PCSK5: variants seen among roughly 807,000 people sequenced by gnomAD.
The protein encoded by PCSK5 is proprotein convertase subtilisin/kexin type 5.
In PCSK5, 129 loss-of-function variants were observed where a neutral mutation model predicts 233.2. That is an observed-to-expected ratio of 0.55 (90% CI 0.48 to 0.64). PCSK5 has a LOEUF of 0.64. Among genes scored for constraint, PCSK5 ranks in the 30% least tolerant of loss-of-function variants. The probability of loss-of-function intolerance (pLI) is 0.00; values close to 1 mark genes in which losing one functional copy is unlikely to be tolerated. For missense variants in PCSK5, 2,076 were observed against 2,430.1 expected, an observed-to-expected ratio of 0.85 and a Z score of 3.06; for synonymous variants, 825 against 879.2, an observed-to-expected ratio of 0.94 and a Z score of 1.09.
chr9:75,922,948 C>T (rs561139702), intron 1 of PCSK5, among the ~76,000 whole-genome samples: 23 of 152,284 alleles, frequency 1.5e-4, no homozygotes, highest in African/African-American at 1.9e-4. Flanking sequence ...ACTACGAGGA[C>T]TTAAATTCTT....
chr9:76,189,515 T>G, intron 19 of PCSK5, 116 bp from the exon 20 acceptor site: 1 of 713,756 alleles, frequency 1.4e-6, no homozygotes, highest in South Asian at 1.8e-5. Flanking sequence ...TGAGGAAAGA[T>G]TTTTGAGTAA....
intron 1 of PCSK5, among the ~76,000 whole-genome samples, chr9:75,909,777 C>T (rs1023287339): frequency 2.6e-5 from 4 of 152,152 alleles, no homozygotes; most frequent in Admixed American, 1.3e-4. Context: ...AAATAAAGCC[C>T]GCAGCAGTTG....
At chr9:76,341,212 G>A (rs2131501315) in intron 35 of PCSK5, among the ~76,000 whole-genome samples, 2 of 148,890 alleles carry the variant, frequency 1.3e-5, no homozygotes, top group South Asian at 4.4e-4. Context: ...GTGACAGAGT[G>A]AGACCATGCC....
In PCSK5 at chr9:76,188,465, A is replaced by C. The variant is rs1234832417; in HGVS notation, c.2283-113A>C. The C allele has an allele frequency of 1.0e-5, 7 of 677,766 alleles. No individual in the cohort carries two copies. In the African/African-American group the frequency reaches 1.3e-4, roughly 12 times the overall value. 42.0% of individuals were successfully genotyped at this position (677,766 alleles called of 1,614,324 possible). ...TTTCCCCGGCTTTGAAGCTTTGCCA[A>C]ATCCACTGGCCTCTGAGGGAAACTG... On this transcript the variant is annotated intron_variant, in intron 17 of 37. Coordinates refer to ENST00000674117, the MANE Select transcript of PCSK5 (RefSeq NM_001372043.1).
chr9:76,183,839 G>T (rs1328427002), intron 16 of PCSK5, among the ~76,000 whole-genome samples: 1 of 152,142 alleles, frequency 6.6e-6, no homozygotes, highest in Non-Finnish European at 1.5e-5. Context: ...AATTCACATG[G>T]ATATAATCCA....
intron 20 of PCSK5, among the ~76,000 whole-genome samples, chr9:76,203,102 C>T (rs925231342): frequency 6.6e-6 from 1 of 152,098 alleles, no homozygotes; most frequent in Admixed American, 6.6e-5. Flanking sequence ...CCTCAGTTTC[C>T]CCTTCTTCAG....
intron 25 of PCSK5, among the ~76,000 whole-genome samples, chr9:76,293,025 TA>T (rs1422051298): frequency 6.6e-6 from 1 of 152,212 alleles, no homozygotes; most frequent in African/African-American, 2.4e-5. Flanking sequence ...AGGAGGATGT[TA>T]ATCTCCTGAA....
intron 3 of PCSK5, among the ~76,000 whole-genome samples, chr9:75,992,117 A>G (rs577961885): frequency 6.6e-6 from 1 of 152,248 alleles, no homozygotes; most frequent in African/African-American, 2.4e-5. Flanking sequence ...ATAAACATTG[A>G]AATGGCTGTC....
At chr9:75,956,706 T>C (rs1825109483) in intron 2 of PCSK5, among the ~76,000 whole-genome samples, 2 of 151,990 alleles carry the variant, frequency 1.3e-5, no homozygotes, top group East Asian at 3.9e-4. Flanking sequence ...GCACATTAAT[T>C]AGGAAGAGGA....
chr9:76,001,492 C>T (rs1037096109), intron 3 of PCSK5, among the ~76,000 whole-genome samples: 14 of 48,098 alleles, frequency 2.9e-4, no homozygotes, highest in African/African-American at 9.8e-4. Flanking sequence ...TTTTTTTTGC[C>T]AACATAGTTT....
intron 37 of PCSK5, 73 bp downstream of exon 37, chr9:76,354,292 G>A: frequency 8.0e-7 from 1 of 1,245,740 alleles, no homozygotes; most frequent in Non-Finnish European, 1.1e-6. Context: ...AGAGGGAGGG[G>A]GGGATGGAAA....
intron 2 of PCSK5, among the ~76,000 whole-genome samples, chr9:75,954,907 A>G (rs776570919): frequency 6.6e-6 from 1 of 152,180 alleles, no homozygotes; most frequent in Non-Finnish European, 1.5e-5. Flanking sequence ...AATGCTATCT[A>G]TTTGTACCTT....
chr9:75,941,021 AAAT>A (rs1352553926), intron 2 of PCSK5, among the ~76,000 whole-genome samples: 1 of 152,144 alleles, frequency 6.6e-6, no homozygotes, highest in East Asian at 1.9e-4. Flanking sequence ...GCTTTTTCAC[AAAT>A]AATATTTCAT....
At chr9:76,102,767 G>A (rs748333556) in intron 8 of PCSK5, among the ~76,000 whole-genome samples, 4 of 152,158 alleles carry the variant, frequency 2.6e-5, no homozygotes, top group African/African-American at 4.8e-5. Context: ...TGTGAGTTTT[G>A]TTTGGATGGT....
chr9:76,094,367 A>T (rs146103049), intron 7 of PCSK5, among the ~76,000 whole-genome samples: 1 of 152,260 alleles, frequency 6.6e-6, no homozygotes, highest in African/African-American at 2.4e-5. Context: ...TAGCTTTGTG[A>T]CTTGGGTTCT....
At chr9:76,237,836 A>T (rs1587791703) in intron 22 of PCSK5, among the ~76,000 whole-genome samples, 1 of 152,226 alleles carries the variant, frequency 6.6e-6, no homozygotes, top group South Asian at 2.1e-4. Flanking sequence ...ATGATAAATG[A>T]TGTGAAAGTG....
At chr9:76,227,914 T>A (rs1476459359) in intron 21 of PCSK5, among the ~76,000 whole-genome samples, 1 of 152,080 alleles carries the variant, frequency 6.6e-6, no homozygotes, top group Non-Finnish European at 1.5e-5. Flanking sequence ...TCAATCATCA[T>A]TTCCATCTGC....
intron 21 of PCSK5, among the ~76,000 whole-genome samples, chr9:76,232,591 G>A (rs955079321): frequency 5.3e-5 from 8 of 152,092 alleles, no homozygotes; most frequent in Admixed American, 1.3e-4. Flanking sequence ...TGGGTGTGCA[G>A]CCCCCAGCTC....
At chr9:76,256,281 G>A (rs1382651872) in intron 24 of PCSK5, among the ~76,000 whole-genome samples, 2 of 152,226 alleles carry the variant, frequency 1.3e-5, no homozygotes, top group African/African-American at 2.4e-5. Flanking sequence ...CCGGAGCCGG[G>A]TATAATCGAA....
Sources: allele counts gnomAD v4.1 joint callset (sites outside exome capture counted in the v4.1 genomes callset), GRCh38; gene constraint gnomAD v4.1.1; transcripts MANE v1.5; gene names NCBI Gene and HGNC (gene_info 2026-07-23, HGNC 2026-07-21).